Variants in C22orf23 observed in about 807,000 individuals in gnomAD.
C22orf23 encodes chromosome 22 open reading frame 23.
C22orf23 carries 30 observed loss-of-function variants against 29.7 expected under a neutral mutation model. That is an observed-to-expected ratio of 1.01 (90% CI 0.76 to 1.37). The LOEUF (loss-of-function observed/expected upper bound fraction) is 1.37. Ranked by LOEUF, C22orf23 falls within the 40% of genes most tolerant of loss-of-function variation. The probability of loss-of-function intolerance (pLI) is 0.00; values close to 1 mark genes in which losing one functional copy is unlikely to be tolerated. For synonymous variants in C22orf23, 90 were observed against 96.1 expected (o/e 0.94, Z 0.37); for missense variants, 237 against 273.1 (o/e 0.87, Z 0.93).
intron 2 of C22orf23, chr22:37,951,797 CTTT>C (rs551481283): frequency 1.7e-3 from 65 of 38,726 alleles, no homozygotes; most frequent in African/African-American, 5.3e-3. Flanking sequence ...TCCTCTTTCT[CTTT>C]TTTTTTTTTT....
chr22:37,945,810 T>TAAAAA (rs1169265242), intron 4 of C22orf23, among the ~76,000 whole-genome samples: 1 of 80,806 alleles, frequency 1.2e-5, no homozygotes, highest in African/African-American at 4.5e-5. Flanking sequence ...ATCCTATCTC[T>TAAAAA]AAAAAAAAAA....
At chr22:37,945,931 G>C (rs1176304235) in intron 4 of C22orf23, among the ~76,000 whole-genome samples, 1 of 151,352 alleles carries the variant, frequency 6.6e-6, no homozygotes. Context: ...AGCCAACATG[G>C]TGAAACCCCA....
intron 5 of C22orf23, 165 bp from the exon 6 acceptor site, chr22:37,944,682 C>A: frequency 1.6e-6 from 1 of 616,180 alleles, no homozygotes; most frequent in Non-Finnish European, 2.8e-6. Flanking sequence ...AGGTGGATCA[C>A]GAGGTCAGGA....
rs1569159366 is a variant in C22orf23 at position 37,953,537 on chromosome 22, T to C, written c.-99A>G. The C allele has an allele frequency of 1.8e-6, 1 of 570,598 alleles. No homozygotes were observed. Among genetic ancestry groups the C allele is most frequent in the African/African-American group, 1.9e-5 (1 of 52,134 alleles). The allele number at this position is 570,598 out of a possible 1,614,324, so 35.3% of individuals were successfully genotyped here. A position where few individuals can be genotyped will look rare whatever the true frequency, so the allele number is the denominator to read the frequency against. ...TGCTTTACAGCCGCATCCGCACCGG[T>C]GCCACGCAGAAATACTGCGCGATCT... is the stretch of plus-strand genomic sequence containing the variant. On this transcript the variant is annotated 5_prime_UTR_variant, in exon 1 of 7. Transcript: ENST00000403305.
chr22:37,949,480 C>CA (rs1312403087), intron 3 of C22orf23, among the ~76,000 whole-genome samples: 1 of 93,782 alleles, frequency 1.1e-5, no homozygotes, highest in African/African-American at 4.0e-5. Flanking sequence ...TTTTTTGAGA[C>CA]AGAGTTTTGT....
rs1220544678 is a variant in C22orf23 at position 37,944,498 on chromosome 22, C to T, written c.501G>A (p.Glu167=). The change falls in exon 6 of 7, where the codon GAG becomes GAA. Residue 167 remains glutamate, a synonymous_variant. Transcript: ENST00000403305. ...CCATGTCAGCCAGGAATTCTTTCCT[C>T]TCCTGGATTTCCTTCACCACTGGAC... ...RFEELVKEIQ[E]RKEFLADMEA... is the part of the protein sequence containing the mutation. 8.7e-6 allele frequency: 14 copies of T among 1,614,056 alleles called. No individual in the cohort carries two copies. Among genetic ancestry groups the T allele is most frequent in the Admixed American group, 3.3e-5 (2 of 60,022 alleles).
In C22orf23 at chr22:37,945,366, CAAGAA is replaced by C. The variant is rs781623031; in HGVS notation, c.350-198_350-194del. 2.5e-3 allele frequency among the ~76,000 whole-genome samples: 383 copies of C among 152,102 alleles called. 2 individuals carry two copies. Among genetic ancestry groups the C allele is most frequent in the Non-Finnish European group, 3.6e-3 (245 of 67,992 alleles). On this transcript the variant is annotated intron_variant, in intron 4 of 6. Coordinates refer to ENST00000403305, the MANE Select transcript of C22orf23 (RefSeq NM_032561.5). ...AGAGGCAGGAAGAGGTGGAAAGAAC[CAAGAA>C]AAGAGTTTGGGTATGGTCTGTAATT...
chr22:37,949,365 C>A (rs1184855645), intron 3 of C22orf23, among the ~76,000 whole-genome samples: 2 of 150,614 alleles, frequency 1.3e-5, no homozygotes, highest in Non-Finnish European at 3.0e-5. Context: ...CTCTCTGCAA[C>A]CTACACCTCC....
At position 37,943,710 on chromosome 22, in the gene C22orf23, A is replaced by G. The variant is rs919169252; in HGVS notation, c.*465T>C. The G allele has an allele frequency of 1.7e-5, 3 of 176,236 alleles. No homozygotes were observed. The highest frequency in any genetic ancestry group is 3.7e-5 in the Non-Finnish European group (3 of 81,938). The allele number at this position is 176,236 out of a possible 1,614,324, so 10.9% of individuals were successfully genotyped here. On this transcript the variant is annotated 3_prime_UTR_variant, in exon 7 of 7. Coordinates refer to ENST00000403305, the MANE Select transcript of C22orf23 (RefSeq NM_032561.5). ...GAACAAATAAGCTTATCCCTCTGAA[A>G]ACAAAATGGTGCTTGTAATGACCCA...
At chr22:37,946,374 C>T (rs1173777983) in intron 4 of C22orf23, among the ~76,000 whole-genome samples, 1 of 151,866 alleles carries the variant, frequency 6.6e-6, no homozygotes, top group Non-Finnish European at 1.5e-5. Context: ...TGCAGTGAGC[C>T]GAGATCGTGC....
chr22:37,949,161 AT>A (rs1930867819), intron 3 of C22orf23, among the ~76,000 whole-genome samples: 1 of 152,062 alleles, frequency 6.6e-6, no homozygotes, highest in Non-Finnish European at 1.5e-5. Context: ...CCTGCTGTCC[AT>A]CCCCCCGCTT....
At chr22:37,945,494 CTTT>C (rs369277812) in intron 4 of C22orf23, among the ~76,000 whole-genome samples, 10 of 129,082 alleles carry the variant, frequency 7.7e-5, no homozygotes, top group East Asian at 2.3e-4. Context: ...TTTTTTTCTT[CTTT>C]TTTTTTTTTT....
At chr22:37,952,950 A>C (rs1931152447) in intron 2 of C22orf23, 97 bp downstream of exon 2, 2 of 863,312 alleles carry the variant, frequency 2.3e-6, no homozygotes, top group African/African-American at 1.7e-5. Flanking sequence ...TTTCATCCCG[A>C]AACCATTCCC....
rs977781072 is a variant in C22orf23 at position 37,944,413 on chromosome 22, C to T, written c.582+4G>A. ...CTCCCCACTTTCCTGGTTGTTTCTCCTACCTGGGAGATTTCAGCAAGGATG... is the reference window on the plus strand; with the variant it reads ...CTCCCCACTTTCCTGGTTGTTTCTCTTACCTGGGAGATTTCAGCAAGGATG... On this transcript the variant is annotated splice_donor_region_variant and intron_variant, in intron 6 of 6. Coordinates refer to ENST00000403305, the MANE Select transcript of C22orf23 (RefSeq NM_032561.5). The T allele has an allele frequency of 3.1e-6, 5 of 1,614,084 alleles. No homozygotes were observed. Among genetic ancestry groups the T allele is most frequent in the Non-Finnish European group, 4.2e-6 (5 of 1,179,952 alleles).
In C22orf23 at chr22:37,944,223, A is replaced by G. The variant is rs755545562; in HGVS notation, c.606T>C (p.Ile202=). Residue 202 remains isoleucine (I), a synonymous_variant, in exon 7 of 7, where the codon ATT becomes ATC. Transcript: ENST00000403305. ...TAAGTTCCTCACTCCTTCTGTGGTC[A>G]ATGTCTTCCATTTCCCGGAGTTTCT... The part of the protein sequence containing the change: ...ISQKLREMED[I]DHRRSEELRK... The G allele has an allele frequency of 3.1e-6, 5 of 1,614,078 alleles. No homozygotes were observed. In the South Asian group the frequency reaches 5.5e-5, roughly 18 times the overall value.
chr22:37,945,520 GGTCTGACTCT>G (rs1930644468), intron 4 of C22orf23, among the ~76,000 whole-genome samples: 1 of 139,948 alleles, frequency 7.1e-6, no homozygotes, highest in Admixed American at 7.5e-5. Flanking sequence ...TTTGAGACAA[GGTCTGACTCT>G]GTCGCCCAGA....
intron 3 of C22orf23, among the ~76,000 whole-genome samples, chr22:37,949,655 C>G (rs1401285497): frequency 1.3e-5 from 2 of 151,428 alleles, no homozygotes; most frequent in African/African-American, 2.4e-5. Context: ...GGTGGAGTTT[C>G]ACCATGTTGG....
At chr22:37,945,005 CCCCA>C (rs1930608768) in intron 5 of C22orf23, 33 bp downstream of exon 5, 2 of 1,558,552 alleles carry the variant, frequency 1.3e-6, no homozygotes, top group South Asian at 2.5e-5. Context: ...CTCACATTAC[CCCCA>C]CCCCCAGCAT....
rs113825388 is a variant in C22orf23, at chr22:37,948,186, G to A, written c.167-723C>T. ...CAAAAGGCCAGGTGCAGTGGCTCAC[G>A]CCTGTAATCCCAACACTTTGGGAGG... On this transcript the variant is annotated intron_variant, in intron 3 of 6. Coordinates refer to ENST00000403305, the MANE Select transcript of C22orf23 (RefSeq NM_032561.5). Among the ~76,000 whole-genome samples, 1,518 of 152,232 alleles carry A rather than the reference G, an allele frequency of 1.0e-2. 38 individuals carry two copies. Among genetic ancestry groups the A allele is most frequent in the African/African-American group, 0.035 (1,444 of 41,506 alleles).
Sources: gnomAD v4.1 joint callset for allele counts (sites outside exome capture counted in the v4.1 genomes callset) on GRCh38, gnomAD v4.1.1 for gene constraint, MANE v1.5 for transcripts, NCBI Gene and HGNC (gene_info 2026-07-23, HGNC 2026-07-21) for gene names.